The following BICC1 variants were observed in gnomAD, a reference collection of about 807,000 sequenced individuals.
BICC1 encodes BicC family RNA binding protein 1.
Under a neutral mutation model 111.0 loss-of-function variants are expected in BICC1, and 43 were observed. That is an observed-to-expected ratio of 0.39 (90% confidence interval 0.30 to 0.50). BICC1 has a LOEUF of 0.50. Among genes scored for constraint, BICC1 ranks in the 20% least tolerant of loss-of-function variants. The pLI, the probability that BICC1 is intolerant of heterozygous loss-of-function variation, is 0.88. For synonymous variants in BICC1, 467 were observed against 434.4 expected, an observed-to-expected ratio of 1.07 and a Z score of -0.93; for missense variants, 1,091 against 1,203.2, an observed-to-expected ratio of 0.91 and a Z score of 1.38.
intron 3 of BICC1, among the ~76,000 whole-genome samples, chr10:58,783,434 T>C (rs1842931934): frequency 6.6e-6 from 1 of 152,022 alleles, no homozygotes; most frequent in East Asian, 1.9e-4. Flanking sequence ...AACATAAGAA[T>C]ATGATATGCT....
At chr10:58,576,486 A>G (rs1290488764) in intron 1 of BICC1, among the ~76,000 whole-genome samples, 2 of 152,186 alleles carry the variant, frequency 1.3e-5, no homozygotes, top group African/African-American at 4.8e-5. Flanking sequence ...ACAAGCAAGG[A>G]TCGCACTTTG....
upstream of BICC1, among the ~76,000 whole-genome samples, chr10:58,512,287 C>T (rs1379620028): frequency 1.3e-5 from 2 of 152,122 alleles, no homozygotes; most frequent in East Asian, 1.9e-4. Flanking sequence ...GAGGTATGAA[C>T]TACATGCGAG....
intron 1 of BICC1, among the ~76,000 whole-genome samples, chr10:58,619,628 C>T (rs1845733488): frequency 6.6e-6 from 1 of 152,066 alleles, no homozygotes; most frequent in Non-Finnish European, 1.5e-5. Flanking sequence ...GCGCACACCA[C>T]CACACCCAGC....
chr10:58,755,295 G>A lies in BICC1; in HGVS notation c.308-29706G>A, dbSNP rs547258104. Among the ~76,000 whole-genome samples the A allele has an allele frequency of 3.9e-5, 6 of 152,232 alleles. No individual in the cohort carries two copies. In the South Asian group the frequency reaches 6.2e-4, roughly 16 times the overall value. On this transcript the variant is annotated intron_variant, in intron 3 of 20. Transcript: ENST00000373886. ...GTCTAGCCTGCTTTCTATTTCCTGCGCTATTGTTTTGCTTTTGGTCACCTT... is the reference window on the plus strand; with the variant it reads ...GTCTAGCCTGCTTTCTATTTCCTGCACTATTGTTTTGCTTTTGGTCACCTT...
intron 1 of BICC1, among the ~76,000 whole-genome samples, chr10:58,573,883 C>A (rs1305686589): frequency 6.6e-6 from 1 of 152,084 alleles, no homozygotes; most frequent in African/African-American, 2.4e-5. Context: ...GGTTTGTAGA[C>A]CCTGTTTAGT....
intron 2 of BICC1, among the ~76,000 whole-genome samples, chr10:58,622,265 G>C (rs1210920620): frequency 1.3e-5 from 2 of 152,172 alleles, no homozygotes; most frequent in African/African-American, 4.8e-5. Context: ...AATAGATGCT[G>C]TCAGTGGAAG....
At chr10:58,518,057 T>A (rs575167250) in intron 1 of BICC1, among the ~76,000 whole-genome samples, 3 of 152,244 alleles carry the variant, frequency 2.0e-5, no homozygotes, top group African/African-American at 7.2e-5. Context: ...GGTGGGTAAA[T>A]ACTAAGTAAA....
chr10:58,575,529 A>G (rs1218042111), intron 1 of BICC1, among the ~76,000 whole-genome samples: 1 of 151,910 alleles, frequency 6.6e-6, no homozygotes, highest in Non-Finnish European at 1.5e-5. Flanking sequence ...TTTAGTGTTT[A>G]AAGGTTACAG....
intron 2 of BICC1, among the ~76,000 whole-genome samples, chr10:58,628,443 C>T (rs973529834): frequency 2.6e-5 from 4 of 152,092 alleles, no homozygotes; most frequent in Admixed American, 1.3e-4. Flanking sequence ...GAAAAATGTC[C>T]CCCCTTTCAT....
At chr10:58,688,050 C>T (rs1170200570) in intron 2 of BICC1, among the ~76,000 whole-genome samples, 5 of 152,136 alleles carry the variant, frequency 3.3e-5, no homozygotes, top group African/African-American at 9.7e-5. Context: ...CCGGTGGGTT[C>T]GTGGTCTTGC....
chr10:58,721,760 G>A (rs1564574428), intron 3 of BICC1, among the ~76,000 whole-genome samples: 1 of 152,118 alleles, frequency 6.6e-6, no homozygotes, highest in East Asian at 1.9e-4. Context: ...CGTAAGCAGG[G>A]CAGGATCCCT....
chr10:58,641,646 A>G (rs1324278259), intron 2 of BICC1, among the ~76,000 whole-genome samples: 2 of 152,146 alleles, frequency 1.3e-5, no homozygotes, highest in African/African-American at 4.8e-5. Flanking sequence ...AGCGAAGGTT[A>G]TCATTTGTAT....
rs192557653 is a variant in BICC1 at position 58,672,835 on chromosome 10, G to T, written c.238-29239G>T. The stretch of plus-strand genomic sequence containing the variant: ...TTGTGACTAGGTGTTGGAAATTGAG[G>T]TTATATTGAGGGAATTTGAATTTCT... On this transcript the variant is annotated intron_variant, in intron 2 of 20. Coordinates refer to ENST00000373886, the MANE Select transcript of BICC1 (RefSeq NM_001080512.3). Among the ~76,000 whole-genome samples, 320 of 152,286 alleles carry T rather than the reference G, an allele frequency of 2.1e-3. 1 individual carries two copies. The highest frequency in any genetic ancestry group is 7.4e-3 in the African/African-American group (309 of 41,550).
chr10:58,638,769 G>T (rs1198716539), intron 2 of BICC1, among the ~76,000 whole-genome samples: 2 of 152,142 alleles, frequency 1.3e-5, no homozygotes, highest in African/African-American at 4.8e-5. Flanking sequence ...TCTCTTCAAG[G>T]CCTCTGGTTC....
At chr10:58,522,346 A>G (rs541507860) in intron 1 of BICC1, among the ~76,000 whole-genome samples, 26 of 152,264 alleles carry the variant, frequency 1.7e-4, no homozygotes, top group African/African-American at 5.8e-4. Flanking sequence ...AGAAATTATA[A>G]CAAACTGTCT....
chr10:58,586,580 C>T (rs1408726059), intron 1 of BICC1, among the ~76,000 whole-genome samples: 2 of 150,222 alleles, frequency 1.3e-5, no homozygotes, highest in Non-Finnish European at 1.5e-5. Flanking sequence ...GTGCCACTAC[C>T]CTCCAGCCTG....
At chr10:58,712,846 G>A (rs1483428060) in intron 3 of BICC1, among the ~76,000 whole-genome samples, 6 of 152,102 alleles carry the variant, frequency 3.9e-5, no homozygotes, top group Non-Finnish European at 7.4e-5. Context: ...GACAGTCCCC[G>A]GGGAGGCTGT....
At chr10:58,774,888 A>G (rs867373898) in intron 3 of BICC1, among the ~76,000 whole-genome samples, 1 of 152,160 alleles carries the variant, frequency 6.6e-6, no homozygotes, top group Non-Finnish European at 1.5e-5. Context: ...TTAAGGGACA[A>G]TTAGTATTTT....
intron 3 of BICC1, among the ~76,000 whole-genome samples, chr10:58,734,208 C>A (rs116882370): frequency 2.5e-3 from 381 of 152,322 alleles, no homozygotes; most frequent in Middle Eastern, 0.014. Flanking sequence ...GACTTGCCGA[C>A]TTGGCAAGGA....
Sources: allele counts gnomAD v4.1 joint callset (sites outside exome capture counted in the v4.1 genomes callset), GRCh38; gene constraint gnomAD v4.1.1; transcripts MANE v1.5; gene names NCBI Gene and HGNC (gene_info 2026-07-23, HGNC 2026-07-21).